The following REEP1 variants were observed in gnomAD, a reference collection of about 807,000 sequenced individuals.
REEP1 encodes receptor accessory protein 1, also known as receptor expression-enhancing protein 1.
REEP1 carries 22 observed loss-of-function variants against 40.3 expected under a neutral mutation model. The ratio of observed to expected loss-of-function variants is 0.55; its 90% CI spans 0.39 to 0.78. The LOEUF is 0.78. Ranked by LOEUF, REEP1 falls within the 30% of genes least tolerant of loss-of-function variation. REEP1 has a pLI of 0.00. For synonymous variants in REEP1, 116 were observed against 139.2 expected (o/e 0.83, Z 1.17); for missense variants, 280 against 361.1 (o/e 0.78, Z 1.82).
At chr2:86,316,118 C>G (rs1285795279) in intron 1 of REEP1, among the ~76,000 whole-genome samples, 2 of 152,182 alleles carry the variant, frequency 1.3e-5, no homozygotes, top group Non-Finnish European at 2.9e-5. Flanking sequence ...CAATCTTGAG[C>G]TGCCAGATCA....
chr2:86,309,220 G>A (rs926853035), intron 1 of REEP1, among the ~76,000 whole-genome samples: 4 of 152,078 alleles, frequency 2.6e-5, no homozygotes, highest in South Asian at 2.1e-4. Flanking sequence ...TCGGCCTCCC[G>A]TCAGCACCCC....
At chr2:86,331,087 C>A (rs1680739991) in intron 1 of REEP1, among the ~76,000 whole-genome samples, 1 of 152,244 alleles carries the variant, frequency 6.6e-6, no homozygotes, top group Non-Finnish European at 1.5e-5. Flanking sequence ...TCACCCAAGT[C>A]TCATCTCCAT....
intron 1 of REEP1, among the ~76,000 whole-genome samples, chr2:86,308,498 T>C (rs928948889): frequency 6.6e-6 from 1 of 152,186 alleles, no homozygotes; most frequent in African/African-American, 2.4e-5. Flanking sequence ...AAGGTTGCAG[T>C]GAGCTGAGGT....
rs191299408 is a variant in REEP1, at chr2:86,271,993, C to T, written c.106-7952G>A. Among the ~76,000 whole-genome samples, 96 of 152,252 alleles carry T rather than the reference C, an allele frequency of 6.3e-4. 1 individual carries two copies. Among genetic ancestry groups the T allele is most frequent in the South Asian group, 2.1e-4 (1 of 4,816 alleles). Reference sequence around the variant, plus strand: ...ACGCCAGCACTTTGGGAGGCTGGGGCGGGCAGATCACCTGAGGTCAGGAGT... The same window carrying T: ...ACGCCAGCACTTTGGGAGGCTGGGGTGGGCAGATCACCTGAGGTCAGGAGT... On this transcript the variant is annotated intron_variant, in intron 2 of 8. Transcript: ENST00000538924.
intron 2 of REEP1, among the ~76,000 whole-genome samples, chr2:86,272,144 T>C (rs1367353867): frequency 6.6e-6 from 1 of 152,084 alleles, no homozygotes; most frequent in Non-Finnish European, 1.5e-5. Context: ...ATTGCTTGAA[T>C]CCGGGAAGTG....
intron 1 of REEP1, among the ~76,000 whole-genome samples, chr2:86,308,062 G>A (rs1679585972): frequency 6.6e-6 from 1 of 152,146 alleles, no homozygotes; most frequent in Admixed American, 6.6e-5. Flanking sequence ...ATACAGCTCA[G>A]AGAAAATCAC....
At chr2:86,322,322 T>C (rs1405856799) in intron 1 of REEP1, among the ~76,000 whole-genome samples, 8 of 152,160 alleles carry the variant, frequency 5.3e-5, no homozygotes, top group Admixed American at 3.3e-4. Flanking sequence ...GGTGGGGGGA[T>C]TGCTTGAGGC....
chr2:86,317,966 T>A (rs1488926604), intron 1 of REEP1, among the ~76,000 whole-genome samples: 1 of 152,180 alleles, frequency 6.6e-6, no homozygotes, highest in Non-Finnish European at 1.5e-5. Context: ...AAATGATTGA[T>A]CTCATCAGAA....
intron 6 of REEP1, among the ~76,000 whole-genome samples, chr2:86,229,730 T>C (rs549291038): frequency 8.0e-5 from 12 of 150,092 alleles, no homozygotes; most frequent in African/African-American, 2.9e-4. Flanking sequence ...CTGCCTCAGC[T>C]ACTCCATGAG....
rs114565128 is a variant in REEP1 at position 86,253,335 on chromosome 2, G to A, written c.304-1265C>T. Among the ~76,000 whole-genome samples, 1,029 of 151,786 alleles carry A rather than the reference G, an allele frequency of 6.8e-3. 6 individuals carry two copies. The highest frequency in any genetic ancestry group is 0.012 in the Non-Finnish European group (823 of 67,986). ...ATGACAGCTGCTCATTTCAGAGTTC[G>A]GTAAGACAATGACATTTGGCCTTAG... On this transcript the variant is annotated intron_variant, in intron 4 of 8. Coordinates refer to ENST00000538924, the MANE Select transcript of REEP1 (RefSeq NM_001371279.1).
At chr2:86,266,746 G>A (rs1368835293) in intron 2 of REEP1, among the ~76,000 whole-genome samples, 4 of 151,200 alleles carry the variant, frequency 2.6e-5, no homozygotes, top group African/African-American at 9.7e-5. Context: ...GGTGGCTCAC[G>A]CCTGTAATCC....
upstream of REEP1, chr2:86,337,740 G>T: frequency 2.3e-6 from 2 of 878,184 alleles, no homozygotes; most frequent in Non-Finnish European, 2.8e-6. The surrounding 1 kb of genome is among the most constrained non-coding windows in gnomAD (Gnocchi z 5.8). Context: ...CAGCGATTGG[G>T]CGGTGAGCTG....
At chr2:86,301,049 G>A (rs1219046495) in intron 1 of REEP1, among the ~76,000 whole-genome samples, 1 of 152,226 alleles carries the variant, frequency 6.6e-6, no homozygotes, top group Non-Finnish European at 1.5e-5. Context: ...AGATGTGAAT[G>A]AGGTGACCAC....
intron 3 of REEP1, among the ~76,000 whole-genome samples, chr2:86,255,458 T>C (rs1012150883): frequency 4.6e-5 from 7 of 152,158 alleles, no homozygotes; most frequent in Non-Finnish European, 7.3e-5. Flanking sequence ...ACGGTGCAGA[T>C]AGCACATAAT....
At chr2:86,326,259 G>A (rs1407687049) in intron 1 of REEP1, among the ~76,000 whole-genome samples, 1 of 151,956 alleles carries the variant, frequency 6.6e-6, no homozygotes, top group African/African-American at 2.4e-5. Flanking sequence ...TGCATCAAAT[G>A]GTCAAAAAAA....
At chr2:86,285,220 C>T (rs116440225) in intron 1 of REEP1, among the ~76,000 whole-genome samples, 2,960 of 152,230 alleles carry the variant, frequency 0.019, 92 homozygotes, top group African/African-American at 0.067. Context: ...TTTCTTCTGT[C>T]TGAATGTTAG....
intron 1 of REEP1, among the ~76,000 whole-genome samples, chr2:86,310,823 A>G (rs1213146758): frequency 1.3e-5 from 2 of 152,190 alleles, no homozygotes; most frequent in African/African-American, 2.4e-5. Flanking sequence ...TCAAAGGACT[A>G]TGATATAAAC....
chr2:86,262,823 A>G (rs1445285301), intron 3 of REEP1, among the ~76,000 whole-genome samples: 1 of 152,250 alleles, frequency 6.6e-6, no homozygotes, highest in African/African-American at 2.4e-5. Flanking sequence ...CTTTTAATAC[A>G]CATTCACATG....
intron 1 of REEP1, among the ~76,000 whole-genome samples, chr2:86,319,497 C>G (rs950926496): frequency 2.0e-5 from 3 of 152,188 alleles, no homozygotes; most frequent in Non-Finnish European, 4.4e-5. Context: ...GAATTCGAGA[C>G]CAGCCTGGCC....
Sources: allele counts gnomAD v4.1 joint callset (sites outside exome capture counted in the v4.1 genomes callset), GRCh38; gene constraint gnomAD v4.1.1; non-coding constraint Gnocchi (gnomAD v3.1); transcripts MANE v1.5; gene names NCBI Gene and HGNC (gene_info 2026-07-23, HGNC 2026-07-21).